ATXN3: variants seen among roughly 807,000 people sequenced by gnomAD.
ATXN3 encodes the protein ataxin-3.
ATXN3 carries 28 observed loss-of-function variants against 58.2 expected under a neutral mutation model. That is an observed-to-expected ratio of 0.48 (90% CI 0.36 to 0.66). ATXN3 has a LOEUF of 0.66. Ranked by LOEUF, ATXN3 falls within the 30% of genes least tolerant of loss-of-function variation. ATXN3 has a pLI of 0.00. For missense variants in ATXN3, 321 were observed against 422.1 expected (o/e 0.76, Z 2.10); for synonymous variants, 113 against 138.5 (o/e 0.82, Z 1.29).
intron 9 of ATXN3, chr14:92,071,568 G>A (rs1351485312): frequency 6.5e-6 from 2 of 305,856 alleles, no homozygotes; most frequent in Non-Finnish European, 1.3e-5. Flanking sequence ...CTGCACTCCA[G>A]CCTGGGCGAC....
Position 92,061,663 on chromosome 14 carries a change from T to A in ATXN3, c.*2657A>T, listed in dbSNP as rs993629366. 2 of 152,230 alleles carry A rather than the reference T, an allele frequency of 1.3e-5. No homozygotes were observed. Among genetic ancestry groups the A allele is most frequent in the African/African-American group, 4.8e-5 (2 of 41,468 alleles). 9.4% of individuals were successfully genotyped at this position (152,230 alleles called of 1,614,324 possible). A position where few individuals can be genotyped will look rare whatever the true frequency, so the allele number is the denominator to read the frequency against. ...TTCTTAGCAGGACAGTTCTTGTGAA[T>A]TTAGTTGTTCCTGACTTTCTTGCAG... On this transcript the variant is annotated 3_prime_UTR_variant, in exon 11 of 11. Coordinates refer to ENST00000644486, the MANE Select transcript of ATXN3 (RefSeq NM_004993.6).
chr14:92,096,640 A>T, intron 2 of ATXN3, 34 bp downstream of exon 2: 1 of 1,570,388 alleles, frequency 6.4e-7, no homozygotes, highest in South Asian at 1.2e-5. Flanking sequence ...AAAAAAAAAA[A>T]AGAAATGTGA....
intron 6 of ATXN3, among the ~76,000 whole-genome samples, chr14:92,085,217 C>T (rs1166915223): frequency 6.6e-6 from 1 of 150,396 alleles, no homozygotes; most frequent in Non-Finnish European, 1.5e-5. Context: ...TTGAGAGTCT[C>T]GTTCTGTCAC....
intron 10 of ATXN3, among the ~76,000 whole-genome samples, chr14:92,069,396 C>CA (rs2059053593): frequency 1.4e-5 from 1 of 70,294 alleles, no homozygotes; most frequent in Non-Finnish European, 2.6e-5. Flanking sequence ...TTTTTTGAGA[C>CA]AGAGTTTTGC....
intron 1 of ATXN3, among the ~76,000 whole-genome samples, chr14:92,103,936 G>GT (rs2141337114): frequency 6.6e-6 from 1 of 152,318 alleles, no homozygotes; most frequent in East Asian, 1.9e-4. Flanking sequence ...AAATGGCACA[G>GT]TAAGCCCAAA....
intron 5 of ATXN3, among the ~76,000 whole-genome samples, chr14:92,092,856 TA>T (rs1595891937): frequency 8.2e-5 from 11 of 133,482 alleles, no homozygotes; most frequent in East Asian, 5.0e-4. Flanking sequence ...AATTTTTAAA[TA>T]TATTTTTTTT....
At chr14:92,069,193 CT>C in intron 10 of ATXN3, among the ~76,000 whole-genome samples, 1 of 151,456 alleles carries the variant, frequency 6.6e-6, no homozygotes, top group South Asian at 2.1e-4. Flanking sequence ...ATTCTCCTGC[CT>C]CAGCCTCCTG....
Position 92,062,261 on chromosome 14 carries a change from A to G in ATXN3, c.*2059T>C, listed in dbSNP as rs991636045. On this transcript the variant is annotated 3_prime_UTR_variant, in exon 11 of 11. Transcript: ENST00000644486. ...GACATAGCAAGACTCCGTCTCAAAAAAAAACAAAAACAAAAACAAAAACTC... is the reference window on the plus strand; with the variant it reads ...GACATAGCAAGACTCCGTCTCAAAAGAAAACAAAAACAAAAACAAAAACTC... The G allele has an allele frequency of 6.6e-6, 1 of 151,852 alleles. No homozygotes were observed. Among genetic ancestry groups the G allele is most frequent in the African/African-American group, 2.4e-5 (1 of 41,138 alleles). 9.4% of individuals were successfully genotyped at this position (151,852 alleles called of 1,614,324 possible). A position where few individuals can be genotyped will look rare whatever the true frequency, so the allele number is the denominator to read the frequency against.
intron 9 of ATXN3, among the ~76,000 whole-genome samples, chr14:92,078,661 C>T (rs2060880619): frequency 6.6e-6 from 1 of 152,010 alleles, no homozygotes; most frequent in Non-Finnish European, 1.5e-5. Context: ...CCGCGCCTGG[C>T]CTTAGATTTA....
At chr14:92,106,180 G>A (rs1345367386) in intron 1 of ATXN3, among the ~76,000 whole-genome samples, 2 of 152,186 alleles carry the variant, frequency 1.3e-5, no homozygotes, top group South Asian at 2.1e-4. Context: ...CTAGGGAGAG[G>A]GAAGGATTGG....
chr14:92,051,459 ACT>A (rs937166745), upstream of ATXN3, among the ~76,000 whole-genome samples: 36 of 151,630 alleles, frequency 2.4e-4, no homozygotes, highest in African/African-American at 6.8e-4. Context: ...GCTCTACTCT[ACT>A]CTGATTATTC....
At chr14:92,090,941 G>A (rs1331311109) in intron 5 of ATXN3, among the ~76,000 whole-genome samples, 2 of 135,736 alleles carry the variant, frequency 1.5e-5, no homozygotes, top group African/African-American at 5.5e-5. Flanking sequence ...ACTGCTGTAA[G>A]CTGCCTTTTT....
intron 9 of ATXN3, among the ~76,000 whole-genome samples, chr14:92,073,822 G>A (rs1335960882): frequency 6.6e-6 from 1 of 151,726 alleles, no homozygotes; most frequent in Non-Finnish European, 1.5e-5. Context: ...CTGGGTGACA[G>A]AGTGAGACTC....
At chr14:92,083,289 C>T (rs2061795012) in intron 6 of ATXN3, 31 bp from the exon 7 acceptor site, 1 of 1,576,090 alleles carries the variant, frequency 6.3e-7, no homozygotes, top group Non-Finnish European at 8.6e-7. Context: ...TCAACCTAAC[C>T]AGTTAGTAAA....
chr14:92,057,429 C>T (rs1273399576), downstream of ATXN3, among the ~76,000 whole-genome samples: 1 of 79,248 alleles, frequency 1.3e-5, no homozygotes, highest in African/African-American at 6.1e-5. Context: ...AACAACAAAG[C>T]GGGGGGAGGG....
intron 9 of ATXN3, among the ~76,000 whole-genome samples, chr14:92,076,480 T>C (rs55691521): frequency 6.7e-6 from 1 of 149,578 alleles, no homozygotes; most frequent in Non-Finnish European, 1.5e-5. Context: ...AAAAGCTCAA[T>C]TTGTTGGAAG....
In ATXN3 at chr14:92,062,062, C is replaced by A. The variant is rs1045419037; in HGVS notation, c.*2258G>T. Reference sequence around the variant, plus strand: ...CCTGAGGTCAGGAGTTCGAGACCAGCCTGGCCAAACATGATGAAACCGCGT... The same window carrying A: ...CCTGAGGTCAGGAGTTCGAGACCAGACTGGCCAAACATGATGAAACCGCGT... On this transcript the variant is annotated 3_prime_UTR_variant, in exon 11 of 11. Transcript: ENST00000644486. 2 of 152,242 alleles carry A rather than the reference C, an allele frequency of 1.3e-5. No homozygotes were observed. The highest frequency in any genetic ancestry group is 2.4e-5 in the African/African-American group (1 of 41,440). The allele number at this position is 152,242 out of a possible 1,614,324, so 9.4% of individuals were successfully genotyped here. A position where few individuals can be genotyped will look rare whatever the true frequency, so the allele number is the denominator to read the frequency against.
At chr14:92,098,751 T>C (rs979845376) in intron 1 of ATXN3, among the ~76,000 whole-genome samples, 3 of 152,138 alleles carry the variant, frequency 2.0e-5, no homozygotes, top group African/African-American at 7.2e-5. Flanking sequence ...GTATACACAG[T>C]GTAAAGCAAT....
In ATXN3 at chr14:92,081,009, A is replaced by G; in HGVS notation, c.828T>C (p.Leu276=). The G allele has an allele frequency of 6.2e-7, 1 of 1,613,094 alleles. No individual in the cohort carries two copies. Among genetic ancestry groups the G allele is most frequent in the Non-Finnish European group, 8.5e-7 (1 of 1,179,344 alleles). ...QDMTQTSGTN[L]TSEELRKRRE... ...GTCTCTTCCGAAGCTCTTCTGAAGT[A>G]AGATTTGTACCTGATGTCTGTGTCA... The change falls in exon 9 of 11, where the codon CTT becomes CTC. Residue 276 remains leucine, a synonymous_variant. Coordinates refer to ENST00000644486, the MANE Select transcript of ATXN3 (RefSeq NM_004993.6).
Sources: gnomAD v4.1 joint callset for allele counts (sites outside exome capture counted in the v4.1 genomes callset) on GRCh38, gnomAD v4.1.1 for gene constraint, MANE v1.5 for transcripts, NCBI Gene and HGNC (gene_info 2026-07-23, HGNC 2026-07-21) for gene names.